Variants in VPS35 observed in about 807,000 individuals in gnomAD.
VPS35 encodes VPS35 retromer complex component.
A neutral mutation model predicts 98.1 loss-of-function variants in VPS35; 21 were observed. That is an observed-to-expected ratio of 0.21 (90% CI 0.15 to 0.31). The LOEUF (loss-of-function observed/expected upper bound fraction) is 0.31, where lower values mean the gene tolerates loss of function less well. Among genes scored for constraint, VPS35 ranks in the 10% least tolerant of loss-of-function variants. VPS35 has a pLI of 1.00. For missense variants in VPS35, 554 were observed against 950.8 expected (o/e 0.58, Z 5.49); for synonymous variants, 268 against 318.2 (o/e 0.84, Z 1.68).
chr16:46,675,010 T>C (rs1596719244), intron 8 of VPS35, among the ~76,000 whole-genome samples: 1 of 150,424 alleles, frequency 6.6e-6, no homozygotes, highest in African/African-American at 2.5e-5. Context: ...CCCAGGGTGG[T>C]ACTGACCTGG....
chr16:46,665,547 A>T (rs1965975194), intron 13 of VPS35, among the ~76,000 whole-genome samples: 1 of 150,798 alleles, frequency 6.6e-6, no homozygotes, highest in Admixed American at 6.7e-5. Flanking sequence ...GTGAGCCGTA[A>T]TCATACCACT....
In VPS35 at chr16:46,658,832, G is replaced by C. The variant is rs1965866655; in HGVS notation, c.*1640C>G. On this transcript the variant is annotated 3_prime_UTR_variant, in exon 17 of 17. Coordinates refer to ENST00000299138, the MANE Select transcript of VPS35 (RefSeq NM_018206.6). ...AAGCCCAGCAAGGGCTAGTCATCAA[G>C]TGCTAGCAATGGGAGGGCAGATGGT... 1 of 152,230 alleles carries C rather than the reference G, an allele frequency of 6.6e-6. No individual in the cohort carries two copies. The highest frequency in any genetic ancestry group is 2.4e-5 in the African/African-American group (1 of 41,476). 9.4% of individuals were successfully genotyped at this position (152,230 alleles called of 1,614,324 possible).
intron 1 of VPS35, among the ~76,000 whole-genome samples, chr16:46,687,701 TG>T (rs1475770113): frequency 2.2e-4 from 33 of 152,280 alleles, no homozygotes; most frequent in African/African-American, 7.9e-4. Context: ...AGATGTTTGA[TG>T]AATTGAAGTG....
intron 2 of VPS35, chr16:46,682,539 T>C (rs1966250404): frequency 3.9e-6 from 1 of 255,300 alleles, no homozygotes; most frequent in South Asian, 4.8e-5. Context: ...TGACATGGCT[T>C]TGTCATGGGT....
rs1479756796 is a variant in VPS35 at position 46,660,568 on chromosome 16, C to G, written c.2295G>C (p.Gln765His). ...PNLESSEETE[Q>H]INKHFHNTLE... ...GTGTGTTATGAAAATGTTTGTTAATCTGCTCTGTTTCTTCACTGGATTCAA... is the reference window on the plus strand; with the variant it reads ...GTGTGTTATGAAAATGTTTGTTAATGTGCTCTGTTTCTTCACTGGATTCAA... Residue 765 changes from glutamine (Q) to histidine (H), a missense_variant, in exon 17 of 17, where the codon CAG becomes CAC. Gln to His is a conservative substitution (Grantham distance 24). This residue lies in a region of VPS35 where 153 missense variants were observed against 211.0 expected (regional missense o/e 0.73). Coordinates refer to ENST00000299138, the MANE Select transcript of VPS35 (RefSeq NM_018206.6). The G allele has an allele frequency of 1.9e-5, 31 of 1,613,976 alleles. No individual in the cohort carries two copies. Among genetic ancestry groups the G allele is most frequent in the Non-Finnish European group, 2.6e-5 (31 of 1,180,028 alleles).
chr16:46,662,912 C>CA, intron 14 of VPS35, 71 bp downstream of exon 14: 1 of 1,561,608 alleles, frequency 6.4e-7, no homozygotes. Flanking sequence ...TGTGCATTAC[C>CA]ACCATGCCTG....
intron 13 of VPS35, among the ~76,000 whole-genome samples, chr16:46,666,364 G>A (rs1965989368): frequency 6.6e-6 from 1 of 151,270 alleles, no homozygotes; most frequent in African/African-American, 2.4e-5. Context: ...TGCGTCCCGG[G>A]TTCAAGTGAT....
intron 1 of VPS35, chr16:46,688,427 T>C (rs1363458984): frequency 2.8e-5 from 28 of 987,020 alleles, no homozygotes; most frequent in Non-Finnish European, 3.4e-5. Flanking sequence ...GAAGTACTGC[T>C]TCCAGCAAGT....
chr16:46,672,901 A>G (rs1966089533), intron 10 of VPS35, among the ~76,000 whole-genome samples: 1 of 152,232 alleles, frequency 6.6e-6, no homozygotes, highest in African/African-American at 2.4e-5. Context: ...AGAAAAACAC[A>G]TAAACTATTT....
rs1227864994 is a variant in VPS35, at chr16:46,689,164, A to C, written c.-31T>G. The C allele has an allele frequency of 6.2e-7, 1 of 1,600,902 alleles. No individual in the cohort carries two copies. Among genetic ancestry groups the C allele is most frequent in the African/African-American group, 1.3e-5 (1 of 74,592 alleles). On this transcript the variant is annotated 5_prime_UTR_variant, in exon 1 of 17. Transcript: ENST00000299138. ...CTCCCCAGAGCCTGCAGCAAGCAGC[A>C]CCCGCCCCGCGCGTAGCCTCCCGCG...
Position 46,662,346 on chromosome 16 carries a change from A to G in VPS35, c.1964T>C (p.Leu655Pro). The G allele has an allele frequency of 6.2e-7, 1 of 1,614,230 alleles. No homozygotes were observed. The highest frequency in any genetic ancestry group is 8.5e-7 in the Non-Finnish European group (1 of 1,180,048). ...TTTCTTTAGAAGTTTGGATGCAGCA[A>G]GGGCACACTGAGTCCTCAGAGGTTC... is the stretch of plus-strand genomic sequence containing the variant. Reference protein sequence around the residue: ...NHEPLRTQCALAASKLLKKPD... With the variant: ...NHEPLRTQCAPAASKLLKKPD... The change falls in exon 15 of 17, where the codon CTT (leucine) becomes CCT (proline). Residue 655 changes from leucine (L) to proline (P), a missense_variant. Leu to Pro is a moderately conservative substitution (Grantham distance 98). Transcript: ENST00000299138.
In VPS35 at chr16:46,683,622, T is replaced by C. The variant is rs1966267120; in HGVS notation, c.4-16A>G. The C allele has an allele frequency of 6.3e-7, 1 of 1,581,294 alleles. No homozygotes were observed. Among genetic ancestry groups the C allele is most frequent in the African/African-American group, 1.3e-5 (1 of 74,340 alleles). ...GTGTTGTAGGCTGAAAAATAAAAAA[T>C]TCCACTGATGTCTCAAGCACATTCT... is the stretch of plus-strand genomic sequence containing the variant. On this transcript the variant is annotated splice_polypyrimidine_tract_variant and intron_variant, in intron 1 of 16. Coordinates refer to ENST00000299138, the MANE Select transcript of VPS35 (RefSeq NM_018206.6).
chr16:46,658,877 T>C lies in VPS35; in HGVS notation c.*1595A>G, dbSNP rs1274231836. 6.6e-6 allele frequency: 1 copy of C among 152,240 alleles called. No homozygotes were observed. The highest frequency in any genetic ancestry group is 2.1e-4 in the South Asian group (1 of 4,838). The allele number at this position is 152,240 out of a possible 1,614,324, so 9.4% of individuals were successfully genotyped here. On this transcript the variant is annotated 3_prime_UTR_variant, in exon 17 of 17. Transcript: ENST00000299138. ...GATGGTGAGGGGTTAAGTGATGTAG[T>C]CATTTGAAAATGTCTATAAATTTTC...
At chr16:46,679,190 T>G in intron 5 of VPS35, 34 bp from the exon 6 acceptor site, 1 of 1,543,776 alleles carries the variant, frequency 6.5e-7, no homozygotes, top group Non-Finnish European at 8.8e-7. Flanking sequence ...TACACAGTAT[T>G]TACAGGACCA....
chr16:46,684,079 G>A (rs1596725922), intron 1 of VPS35, among the ~76,000 whole-genome samples: 1 of 152,152 alleles, frequency 6.6e-6, no homozygotes, highest in Admixed American at 6.5e-5. Context: ...TATCGCTGAA[G>A]TTAACAGAAT....
At chr16:46,669,752 T>C (rs896981757) in intron 12 of VPS35, among the ~76,000 whole-genome samples, 1 of 152,020 alleles carries the variant, frequency 6.6e-6, no homozygotes, top group African/African-American at 2.4e-5. Context: ...CAGATGCTAA[T>C]ACTTATTACA....
At chr16:46,669,261 C>A in intron 12 of VPS35, 2 of 626,070 alleles carry the variant, frequency 3.2e-6, no homozygotes, top group Non-Finnish European at 5.5e-6. Context: ...AATGGGGAAG[C>A]CTGAGTTTCA....
At chr16:46,667,255 T>C (rs1330862042) in intron 13 of VPS35, among the ~76,000 whole-genome samples, 1 of 152,252 alleles carries the variant, frequency 6.6e-6, no homozygotes, top group Non-Finnish European at 1.5e-5. Flanking sequence ...GCCACCTGTA[T>C]GTCTTCTTTG....
chr16:46,666,083 T>C (rs1195015484), intron 13 of VPS35, among the ~76,000 whole-genome samples: 2 of 151,066 alleles, frequency 1.3e-5, no homozygotes, highest in Non-Finnish European at 2.9e-5. Flanking sequence ...TTTGTATTTT[T>C]AGTAGAGACA....
Sources: allele counts gnomAD v4.1 joint callset (sites outside exome capture counted in the v4.1 genomes callset), GRCh38; gene constraint gnomAD v4.1.1; regional missense constraint gnomAD v4.1.1; transcripts MANE v1.5; gene names NCBI Gene and HGNC (gene_info 2026-07-23, HGNC 2026-07-21).